Variants in SH3PXD2B observed in about 807,000 individuals in gnomAD.
The protein encoded by SH3PXD2B is SH3 and PX domain-containing protein 2B.
SH3PXD2B carries 37 observed loss-of-function variants against 73.1 expected under a neutral mutation model. The ratio of observed to expected loss-of-function variants is 0.51; its 90% CI spans 0.39 to 0.67. The LOEUF (loss-of-function observed/expected upper bound fraction) is 0.67. Ranked by LOEUF, SH3PXD2B falls within the 30% of genes least tolerant of loss-of-function variation. The pLI is 0.00. For synonymous variants in SH3PXD2B, 457 were observed against 480.5 expected (o/e 0.95, Z 0.64); for missense variants, 1,053 against 1,197.8 (o/e 0.88, Z 1.78).
In SH3PXD2B at chr5:172,445,582, A is replaced by C. The variant is rs1759642663; in HGVS notation, c.75+8696T>G. ...TAGCTCTGGCAGCTTTGCCAGATAA[A>C]GAATAGGATGACCAGTAAAATCTGA... On this transcript the variant is annotated intron_variant, in intron 1 of 12. Transcript: ENST00000311601. This position sits in a 1 kb window ranked among gnomAD's most constrained non-coding sequence, Gnocchi z 5.2. Among the ~76,000 whole-genome samples, 1 of 152,248 alleles carries C rather than the reference A, an allele frequency of 6.6e-6. No homozygotes were observed. Among genetic ancestry groups the C allele is most frequent in the Admixed American group, 6.5e-5 (1 of 15,290 alleles).
At chr5:172,354,888 GC>G (rs935529832) in intron 8 of SH3PXD2B, among the ~76,000 whole-genome samples, 30 of 152,286 alleles carry the variant, frequency 2.0e-4, no homozygotes, top group African/African-American at 7.2e-4. Context: ...CCTGAGAGCT[GC>G]CCCCAGCTGC....
rs574402138 is a variant in SH3PXD2B, at chr5:172,335,543, C to T, written c.*2826G>A. The stretch of plus-strand genomic sequence containing the variant: ...ACTATAGATCAGGGCTGGTCCTATC[C>T]GCCTCACAGGCTTGCCGTAAGGATT... On this transcript the variant is annotated 3_prime_UTR_variant, in exon 13 of 13. Transcript: ENST00000311601. The T allele has an allele frequency of 9.2e-5, 113 of 1,231,564 alleles. 1 individual carries two copies. Among genetic ancestry groups the T allele is most frequent in the Admixed American group, 1.7e-4 (4 of 23,696 alleles). 76.3% of individuals were successfully genotyped at this position (1,231,564 alleles called of 1,614,324 possible).
intron 2 of SH3PXD2B, among the ~76,000 whole-genome samples, chr5:172,422,062 T>C (rs1333658902): frequency 1.3e-5 from 2 of 152,056 alleles, no homozygotes; most frequent in Non-Finnish European, 2.9e-5. Flanking sequence ...TGGCACGATC[T>C]CGGCTCACTG....
chr5:172,373,859 C>T (rs965549794), intron 5 of SH3PXD2B, 44 bp from the exon 6 acceptor site: 3 of 1,607,776 alleles, frequency 1.9e-6, no homozygotes, highest in Non-Finnish European at 2.6e-6. Flanking sequence ...CGAGTCAGTA[C>T]TTGCCATGTA....
Position 172,339,829 on chromosome 5 carries a change from T to C in SH3PXD2B, c.1276A>G (p.Lys426Glu), listed in dbSNP as rs376004348. Residue 426 changes from lysine (K) to glutamate (E), a missense_variant, in exon 13 of 13, where the codon AAG (lysine) becomes GAG (glutamate). Physicochemically the swap from Lys to Glu is moderately conservative, Grantham distance 56. Transcript: ENST00000311601. This position sits in a 1 kb window ranked among gnomAD's most constrained non-coding sequence, Gnocchi z 6.1. ...GGTCTCGACGCGTTGCTCGTCTTCT[T>C]GTACTTGTCAATGAAGGTGGCCGGG... ...WAPATFIDKY[K>E]KTSNASRPNF... The C allele has an allele frequency of 1.9e-6, 3 of 1,614,248 alleles. No individual in the cohort carries two copies. Among genetic ancestry groups the C allele is most frequent in the African/African-American group, 1.3e-5 (1 of 75,080 alleles).
chr5:172,440,745 C>T (rs754148617), intron 1 of SH3PXD2B, among the ~76,000 whole-genome samples: 23 of 152,232 alleles, frequency 1.5e-4, no homozygotes, highest in Non-Finnish European at 2.4e-4. Flanking sequence ...CCATGCCACA[C>T]GCAAAAGGAA....
At chr5:172,412,886 T>C (rs1314282525) in intron 2 of SH3PXD2B, among the ~76,000 whole-genome samples, 1 of 152,056 alleles carries the variant, frequency 6.6e-6, no homozygotes, top group Non-Finnish European at 1.5e-5. Context: ...GATGAGTCAT[T>C]TGGGGAGTAG....
At chr5:172,439,230 A>G (rs1759462497) in intron 1 of SH3PXD2B, among the ~76,000 whole-genome samples, 1 of 122,752 alleles carries the variant, frequency 8.1e-6, no homozygotes, top group African/African-American at 3.3e-5. Context: ...ACAGAAACAG[A>G]AAAAACAGAA....
chr5:172,373,942 C>A, intron 5 of SH3PXD2B, 127 bp from the exon 6 acceptor site: 1 of 1,049,432 alleles, frequency 9.5e-7, no homozygotes. Flanking sequence ...TGAATAAAAT[C>A]CAGGCCAACT....
chr5:172,332,256 C>CTT (rs57471345), downstream of SH3PXD2B, among the ~76,000 whole-genome samples: 85,725 of 142,798 alleles, frequency 0.6, 26,195 homozygotes, highest in South Asian at 0.8. Flanking sequence ...TTTTTCCTTC[C>CTT]TTTTTTTTTT....
intron 1 of SH3PXD2B, 129 bp from the exon 2 acceptor site, chr5:172,422,625 G>A (rs1758998198): frequency 2.4e-6 from 2 of 831,142 alleles, no homozygotes; most frequent in East Asian, 2.7e-5. Flanking sequence ...CCAATGACTG[G>A]CTGGACAAGT....
At chr5:172,432,401 T>C (rs1400500806) in intron 1 of SH3PXD2B, among the ~76,000 whole-genome samples, 1 of 152,052 alleles carries the variant, frequency 6.6e-6, no homozygotes, top group African/African-American at 2.4e-5. Flanking sequence ...GCAGCACTCA[T>C]AGACTAGGAC....
At chr5:172,381,366 C>T (rs1012296086) in intron 5 of SH3PXD2B, among the ~76,000 whole-genome samples, 3 of 152,228 alleles carry the variant, frequency 2.0e-5, no homozygotes, top group Admixed American at 1.3e-4. Flanking sequence ...GCTATTTCTC[C>T]GTTAGCCAGA....
chr5:172,339,368 C>A lies in SH3PXD2B; in HGVS notation c.1737G>T (p.Glu579Asp). 1 of 1,614,206 alleles carries A rather than the reference C, an allele frequency of 6.2e-7. No homozygotes were observed. The highest frequency in any genetic ancestry group is 8.5e-7 in the Non-Finnish European group (1 of 1,180,042). ...ACAGTCTGCTTTTGTCAGGTTTGGG[C>A]TCTGGCCTCCTGCTGTCCCGGGCTG... ...IPPARDSRRP[E>D]PKPDKSRLFQ... The change falls in exon 13 of 13, where the codon GAG becomes GAT. Residue 579 changes from glutamate to aspartate, a missense_variant. By Grantham distance (45) the Glu-to-Asp change is conservative. Around this residue, in one of 2 missense-constraint regions of SH3PXD2B, gnomAD observed 587 missense variants for 590.7 expected, o/e 0.99. Coordinates refer to ENST00000311601, the MANE Select transcript of SH3PXD2B (RefSeq NM_001017995.3). The surrounding 1 kb of genome is among the most constrained non-coding windows in gnomAD (Gnocchi z 6.1).
chr5:172,350,553 G>A lies in SH3PXD2B; in HGVS notation c.822C>T (p.Tyr274=). The change falls in exon 10 of 13, where the codon TAC becomes TAT. Residue 274 remains tyrosine, a synonymous_variant. Coordinates refer to ENST00000311601, the MANE Select transcript of SH3PXD2B (RefSeq NM_001017995.3). ...QGKEGWAPAS[Y]LKKNSGEPLP... is the part of the protein sequence containing the mutation. ...AGGGCTCCCCACTGTTCTTCTTTAG[G>A]TAGGAGGCGGGGGCCCAGCCTTCTT... 6.2e-7 allele frequency: 1 copy of A among 1,613,210 alleles called. No homozygotes were observed. Among genetic ancestry groups the A allele is most frequent in the South Asian group, 1.1e-5 (1 of 90,864 alleles).
At chr5:172,372,169 A>G (rs747066177) in intron 6 of SH3PXD2B, among the ~76,000 whole-genome samples, 1 of 151,964 alleles carries the variant, frequency 6.6e-6, no homozygotes, top group Non-Finnish European at 1.5e-5. Context: ...CCCCACCCAA[A>G]TCTCATGTCG....
rs148498348 is a variant in SH3PXD2B at position 172,338,707 on chromosome 5, C to T, written c.2398G>A (p.Val800Ile). 354 of 1,614,148 alleles carry T rather than the reference C, an allele frequency of 2.2e-4. 1 individual carries two copies. The African/African-American group carries it at 3.0e-3, about 14-fold the overall frequency. ...AAPTPGRALL[V>I]PPKAKPFLSN... Reference sequence around the variant, plus strand: ...AGAAAAGGTTTGGCTTTTGGAGGGACGAGGAGAGCACGGCCTGGGGTGGGA... The same window carrying T: ...AGAAAAGGTTTGGCTTTTGGAGGGATGAGGAGAGCACGGCCTGGGGTGGGA... Residue 800 changes from valine (V) to isoleucine (I), a missense_variant, in exon 13 of 13, where the codon GTC becomes ATC. Coordinates refer to ENST00000311601, the MANE Select transcript of SH3PXD2B (RefSeq NM_001017995.3). This position sits in a 1 kb window ranked among gnomAD's most constrained non-coding sequence, Gnocchi z 5.1.
Position 172,336,632 on chromosome 5 carries a change from T to C in SH3PXD2B, c.*1737A>G, listed in dbSNP as rs1004897236. Reference sequence around the variant, plus strand: ...GCATCCCCCCAAAAAACTGGCTTTGTGGGTCCAAAAGTATCTCGCCTGATG... The same window carrying C: ...GCATCCCCCCAAAAAACTGGCTTTGCGGGTCCAAAAGTATCTCGCCTGATG... On this transcript the variant is annotated 3_prime_UTR_variant, in exon 13 of 13. Transcript: ENST00000311601. 10 of 958,352 alleles carry C rather than the reference T, an allele frequency of 1.0e-5. No individual in the cohort carries two copies. The highest frequency in any genetic ancestry group is 1.2e-5 in the Non-Finnish European group (10 of 824,490). 59.4% of individuals were successfully genotyped at this position (958,352 alleles called of 1,614,324 possible). A position where few individuals can be genotyped will look rare whatever the true frequency, so the allele number is the denominator to read the frequency against.
At chr5:172,436,963 TAAG>T (rs1293946272) in intron 1 of SH3PXD2B, among the ~76,000 whole-genome samples, 1 of 152,094 alleles carries the variant, frequency 6.6e-6, no homozygotes, top group Non-Finnish European at 1.5e-5. Context: ...AGCTAGCTGT[TAAG>T]AAGGGGGTTG....
Sources: gnomAD v4.1 joint callset for allele counts (sites outside exome capture counted in the v4.1 genomes callset) on GRCh38, gnomAD v4.1.1 for gene constraint, gnomAD v4.1.1 regional missense constraint, Gnocchi (gnomAD v3.1) non-coding constraint, MANE v1.5 for transcripts, NCBI Gene and HGNC (gene_info 2026-07-23, HGNC 2026-07-21) for gene names.